The following DST variants were observed in gnomAD, a reference collection of about 807,000 sequenced individuals.
DST encodes dystonin.
Under a neutral mutation model 875.2 loss-of-function variants are expected in DST, and 253 were observed. The observed-to-expected ratio is 0.29, with a 90% confidence interval of 0.26 to 0.32. The LOEUF (loss-of-function observed/expected upper bound fraction) is 0.32, where lower values mean the gene tolerates loss of function less well. DST is among the 10% of genes least tolerant of loss of function. The pLI is 1.00. For synonymous variants in DST, 3,124 were observed against 3,197.1 expected (o/e 0.98, Z 0.77); for missense variants, 8,287 against 9,111.6 (o/e 0.91, Z 3.68).
At chr6:56,474,923 C>T (rs1355979822) in intron 92 of DST, among the ~76,000 whole-genome samples, 1 of 123,158 alleles carries the variant, frequency 8.1e-6, no homozygotes, top group Non-Finnish European at 1.6e-5. Flanking sequence ...TGTGCCATTG[C>T]ATTCCAGCCT....
Position 56,594,035 on chromosome 6 carries a change from T to A in DST, c.12354A>T (p.Ala4118=), listed in dbSNP as rs1231711765. 1 of 1,613,828 alleles carries A rather than the reference T, an allele frequency of 6.2e-7. No individual in the cohort carries two copies. The highest frequency in any genetic ancestry group is 8.5e-7 in the Non-Finnish European group (1 of 1,179,856). Reference sequence around the variant, plus strand: ...TCATTTTCTTCTCTGACTCAGCCAGTGCAGTTTCATAATGCACTTTCAGTT... The same window carrying A: ...TCATTTTCTTCTCTGACTCAGCCAGAGCAGTTTCATAATGCACTTTCAGTT... ...MKELKVHYET[A]LAESEKKMKL... is the part of the protein sequence containing the mutation. The change falls in exon 48 of 104, where the codon GCA becomes GCT. Residue 4118 remains alanine (A), a synonymous_variant. Transcript: ENST00000680361.
At chr6:56,726,844 G>A (rs760050927) in intron 5 of DST, among the ~76,000 whole-genome samples, 5 of 152,168 alleles carry the variant, frequency 3.3e-5, no homozygotes, top group South Asian at 2.1e-4. Context: ...TCCTTAGTAC[G>A]GTCTGAGGAA....
chr6:56,645,948 G>C lies in DST; in HGVS notation c.1696C>G (p.Pro566Ala). The C allele has an allele frequency of 1.2e-6, 2 of 1,613,650 alleles. No homozygotes were observed. The highest frequency in any genetic ancestry group is 1.7e-6 in the Non-Finnish European group (2 of 1,179,734). ...GRIKLLQGYH[P>A]NDIEKEWGKL... is the part of the protein sequence containing the mutation. ...CCCCACTCTTTTTCTATGTCATTTGGATGATAACCTTGAAGGAGCTTGATG... is the reference window on the plus strand; with the variant it reads ...CCCCACTCTTTTTCTATGTCATTTGCATGATAACCTTGAAGGAGCTTGATG... Residue 566 changes from proline to alanine, a missense_variant, in exon 15 of 104, where the codon CCA (proline) becomes GCA (alanine). Pro to Ala is a conservative substitution (Grantham distance 27, BLOSUM62 -1). This residue lies in a region of DST where 1,160 missense variants were observed against 1,424.3 expected (regional missense o/e 0.81). Coordinates refer to ENST00000680361, the MANE Select transcript of DST (RefSeq NM_001374736.1).
intron 100 of DST, 96 bp downstream of exon 100, chr6:56,464,589 G>A (rs1344193251): frequency 3.4e-6 from 3 of 894,292 alleles, no homozygotes; most frequent in East Asian, 5.3e-5. Flanking sequence ...CGCGATGGAT[G>A]AAGCATGTTA....
At chr6:56,745,807 AT>A (rs1361250485) in intron 4 of DST, among the ~76,000 whole-genome samples, 1 of 152,212 alleles carries the variant, frequency 6.6e-6, no homozygotes, top group African/African-American at 2.4e-5. Context: ...CATAGAAGAA[AT>A]GCAAATGGCC....
intron 5 of DST, among the ~76,000 whole-genome samples, chr6:56,707,614 C>T (rs1375087966): frequency 1.3e-5 from 2 of 152,130 alleles, no homozygotes; most frequent in African/African-American, 2.4e-5. Flanking sequence ...CCCTACCAGA[C>T]TTACATTTCA....
chr6:56,726,995 T>G (rs1387167231), intron 5 of DST, among the ~76,000 whole-genome samples: 2 of 152,104 alleles, frequency 1.3e-5, no homozygotes, highest in African/African-American at 2.4e-5. Flanking sequence ...ACTACAGAAC[T>G]GTAAAAGGAA....
chr6:56,843,579 G>A (rs1232780352), intron 4 of DST: 5 of 983,944 alleles, frequency 5.1e-6, no homozygotes, highest in Non-Finnish European at 6.0e-6. Flanking sequence ...GGGCCGGGCC[G>A]AGGCCGCGGC....
chr6:56,660,585 T>A (rs989258329), intron 10 of DST, among the ~76,000 whole-genome samples: 1 of 140,258 alleles, frequency 7.1e-6, no homozygotes, highest in African/African-American at 2.7e-5. Flanking sequence ...TTCTTATTGG[T>A]GCAAAAAGCA....
At chr6:56,534,125 T>C (rs1231120913) in intron 63 of DST, among the ~76,000 whole-genome samples, 1 of 152,156 alleles carries the variant, frequency 6.6e-6, no homozygotes, top group Admixed American at 6.5e-5. Flanking sequence ...CAGTACATTA[T>C]TAGCAGCCAT....
intron 4 of DST, among the ~76,000 whole-genome samples, chr6:56,739,258 A>C (rs1036537695): frequency 6.6e-6 from 1 of 151,876 alleles, no homozygotes; most frequent in African/African-American, 2.4e-5. Flanking sequence ...TAGTATATAC[A>C]ACTATATCTC....
At chr6:56,648,215 C>T (rs1204567022) in intron 13 of DST, among the ~76,000 whole-genome samples, 1 of 151,986 alleles carries the variant, frequency 6.6e-6, no homozygotes, top group Non-Finnish European at 1.5e-5. Context: ...CAATCCAGTG[C>T]CACACTTGTA....
At chr6:56,710,519 C>T (rs923363304) in intron 5 of DST, among the ~76,000 whole-genome samples, 4 of 152,092 alleles carry the variant, frequency 2.6e-5, no homozygotes, top group African/African-American at 9.7e-5. Flanking sequence ...TTTTTTACAT[C>T]AAACAAGTAC....
At chr6:56,926,856 G>C (rs942967264) in intron 2 of DST, among the ~76,000 whole-genome samples, 1 of 152,098 alleles carries the variant, frequency 6.6e-6, no homozygotes, top group Admixed American at 6.5e-5. Context: ...GAACTTAGAA[G>C]GAAGAAGGGA....
intron 9 of DST, among the ~76,000 whole-genome samples, chr6:56,698,339 T>G (rs1439743604): frequency 6.6e-6 from 1 of 152,024 alleles, no homozygotes; most frequent in Non-Finnish European, 1.5e-5. Context: ...ATTTTTTTTT[T>G]TTTTGAGACA....
At chr6:56,541,981 A>T (rs958633336) in intron 61 of DST, among the ~76,000 whole-genome samples, 8 of 152,222 alleles carry the variant, frequency 5.3e-5, no homozygotes, top group Admixed American at 5.2e-4. Context: ...ATATTTCCAG[A>T]TTAAAATTTC....
intron 4 of DST, among the ~76,000 whole-genome samples, chr6:56,849,962 CTGG>C (rs1201029187): frequency 2.6e-5 from 4 of 152,200 alleles, no homozygotes; most frequent in Non-Finnish European, 5.9e-5. Flanking sequence ...AGTCAAACAT[CTGG>C]TATGGGCAGT....
At chr6:56,764,597 G>A (rs1037996284) in intron 4 of DST, among the ~76,000 whole-genome samples, 13 of 152,214 alleles carry the variant, frequency 8.5e-5, no homozygotes, top group Non-Finnish European at 1.5e-4. Flanking sequence ...GCTGACAGAA[G>A]ACATTCAAAT....
chr6:56,593,936 C>A lies in DST; in HGVS notation c.12453G>T (p.Gln4151His). 1.2e-6 allele frequency: 2 copies of A among 1,613,850 alleles called. No homozygotes were observed. Among genetic ancestry groups the A allele is most frequent in the Non-Finnish European group, 1.7e-6 (2 of 1,179,824 alleles). ...GGTTTTCAAGTTCTTGTTCTGACTGCTGTAGCCAGTGCTCAAACTCGGTAT... is the reference window on the plus strand; with the variant it reads ...GGTTTTCAAGTTCTTGTTCTGACTGATGTAGCCAGTGCTCAAACTCGGTAT... ...ADYTEFEHWL[Q>H]QSEQELENLE... The change falls in exon 48 of 104, where the codon CAG becomes CAT. Residue 4151 changes from glutamine (Q) to histidine (H), a missense_variant. Gln to His is a conservative substitution (Grantham distance 24). This residue lies in a region of DST where 1,513 missense variants were observed against 1,677.8 expected (regional missense o/e 0.90). Coordinates refer to ENST00000680361, the MANE Select transcript of DST (RefSeq NM_001374736.1).
Sources: allele counts gnomAD v4.1 joint callset (sites outside exome capture counted in the v4.1 genomes callset), GRCh38; gene constraint gnomAD v4.1.1; regional missense constraint gnomAD v4.1.1; transcripts MANE v1.5; gene names NCBI Gene and HGNC (gene_info 2026-07-23, HGNC 2026-07-21).